Variants in CTNNBL1 observed in about 807,000 individuals in gnomAD.
CTNNBL1 encodes the protein catenin beta like 1.
Under a neutral mutation model 72.7 loss-of-function variants are expected in CTNNBL1, and 31 were observed. That is an observed-to-expected ratio of 0.43 (90% confidence interval 0.32 to 0.58). The LOEUF (loss-of-function observed/expected upper bound fraction) is 0.58, where lower values mean the gene tolerates loss of function less well. Ranked by LOEUF, CTNNBL1 falls within the 20% of genes least tolerant of loss-of-function variation. CTNNBL1 has a pLI of 0.08. For missense variants in CTNNBL1, 534 were observed against 725.1 expected (o/e 0.74, Z 3.03); for synonymous variants, 240 against 267.3 (o/e 0.90, Z 1.00).
chr20:37,727,069 C>T (rs149603612), intron 1 of CTNNBL1, among the ~76,000 whole-genome samples: 4 of 152,082 alleles, frequency 2.6e-5, no homozygotes, highest in African/African-American at 4.8e-5. Context: ...GTGATGTAGC[C>T]TCTTCCTATG....
intron 10 of CTNNBL1, 135 bp downstream of exon 10, chr20:37,779,470 A>G: frequency 1.1e-6 from 1 of 930,326 alleles, no homozygotes; most frequent in Non-Finnish European, 1.6e-6. Context: ...TAAAGTCTTC[A>G]GGCATGGGGG....
chr20:37,741,333 G>A (rs1329592739), intron 3 of CTNNBL1, among the ~76,000 whole-genome samples: 1 of 152,174 alleles, frequency 6.6e-6, no homozygotes, highest in Non-Finnish European at 1.5e-5. Context: ...AACAGAAGAC[G>A]ACTGTTATAA....
chr20:37,792,254 A>G (rs1242697044), intron 10 of CTNNBL1, among the ~76,000 whole-genome samples: 1 of 151,658 alleles, frequency 6.6e-6, no homozygotes, highest in Non-Finnish European at 1.5e-5. Context: ...TTTTGTTTTC[A>G]TTGTTTTTCT....
chr20:37,864,276 TG>T (rs1467865496), intron 15 of CTNNBL1, among the ~76,000 whole-genome samples: 1 of 151,230 alleles, frequency 6.6e-6, no homozygotes, highest in African/African-American at 2.4e-5. Flanking sequence ...CTGTCCTCTT[TG>T]ATTTTAATTT....
rs373840043 is a variant in CTNNBL1, at chr20:37,779,303, C to T, written c.999C>T (p.Gly333=). 2.9e-5 allele frequency: 46 copies of T among 1,613,560 alleles called. No homozygotes were observed. The highest frequency in any genetic ancestry group is 1.1e-4 in the South Asian group (10 of 91,044). The part of the protein sequence containing the change: ...LSSNRERFLK[G]EGLQLMNLML... ...CCAATCGTGAGCGCTTCCTGAAGGG[C>T]GAGGGTCTTCAGCTGATGAATCTCA... Residue 333 remains glycine, a synonymous_variant, in exon 10 of 16, where the codon GGC becomes GGT. Transcript: ENST00000361383.
At chr20:37,807,770 G>C (rs1252717152) in intron 11 of CTNNBL1, among the ~76,000 whole-genome samples, 5 of 152,172 alleles carry the variant, frequency 3.3e-5, no homozygotes, top group Non-Finnish European at 5.9e-5. Flanking sequence ...AAGCTTGTGG[G>C]ATGGGTTGGA....
chr20:37,807,181 C>T (rs1052897289), intron 11 of CTNNBL1, among the ~76,000 whole-genome samples: 1 of 152,098 alleles, frequency 6.6e-6, no homozygotes, highest in Non-Finnish European at 1.5e-5. Context: ...CTCCCTGGGC[C>T]GCACTTGTCC....
chr20:37,718,374 C>T (rs2122571843), intron 1 of CTNNBL1, among the ~76,000 whole-genome samples: 1 of 141,608 alleles, frequency 7.1e-6, no homozygotes, highest in East Asian at 2.1e-4. Context: ...GCAGAGGCAC[C>T]CCTCACCTCC....
At chr20:37,754,983 T>C (rs549612166) in intron 4 of CTNNBL1, among the ~76,000 whole-genome samples, 4 of 152,264 alleles carry the variant, frequency 2.6e-5, no homozygotes, top group Non-Finnish European at 4.4e-5. Flanking sequence ...GATTTTTGTA[T>C]TTTTAGTAGA....
chr20:37,696,435 CTTTTTTTTTTTT>C (rs57358123), intron 1 of CTNNBL1, among the ~76,000 whole-genome samples: 6 of 89,610 alleles, frequency 6.7e-5, no homozygotes, highest in African/African-American at 2.7e-4. Flanking sequence ...TGTACAATAT[CTTTTTTTTTTTT>C]TTTTTTTTTT....
In CTNNBL1 at chr20:37,872,004, G is replaced by A. The variant is rs2072589724; in HGVS notation, c.1683G>A (p.Glu561=). Residue 561 remains glutamate, a synonymous_variant, in exon 16 of 16, where the codon GAG becomes GAA. Transcript: ENST00000361383. Reference sequence around the variant, plus strand: ...AAAAGCGCATCCTGGGCTTGCTGGAGAACTTCTAGAGGCACCTTGGCCCTG... The same window carrying A: ...AAAAGCGCATCCTGGGCTTGCTGGAAAACTTCTAGAGGCACCTTGGCCCTG... ...NEQKRILGLL[E]NF is the part of the protein sequence containing the mutation. 3 of 1,613,924 alleles carry A rather than the reference G, an allele frequency of 1.9e-6. No homozygotes were observed. Among genetic ancestry groups the A allele is most frequent in the Non-Finnish European group, 2.5e-6 (3 of 1,179,934 alleles).
intron 11 of CTNNBL1, among the ~76,000 whole-genome samples, chr20:37,820,218 T>C (rs1190941712): frequency 1.3e-5 from 2 of 152,108 alleles, no homozygotes; most frequent in African/African-American, 4.8e-5. Flanking sequence ...TGATACTGGT[T>C]TCGGTCTCCT....
At chr20:37,709,541 G>A (rs957561744) in intron 1 of CTNNBL1, among the ~76,000 whole-genome samples, 2 of 152,142 alleles carry the variant, frequency 1.3e-5, no homozygotes, top group African/African-American at 2.4e-5. Context: ...TTTAGCAGAC[G>A]CTCTCAACAT....
chr20:37,854,687 C>G (rs2072424499), intron 13 of CTNNBL1, among the ~76,000 whole-genome samples: 1 of 151,666 alleles, frequency 6.6e-6, no homozygotes, highest in Non-Finnish European at 1.5e-5. Context: ...CTCCAAGGTT[C>G]AAGTGATTCT....
intron 1 of CTNNBL1, among the ~76,000 whole-genome samples, chr20:37,699,157 A>G (rs1600428060): frequency 6.6e-6 from 1 of 152,190 alleles, no homozygotes; most frequent in East Asian, 1.9e-4. Context: ...TAACAACCCT[A>G]TGAGGAAGGT....
chr20:37,819,473 C>T (rs558952297), intron 11 of CTNNBL1, among the ~76,000 whole-genome samples: 2 of 152,258 alleles, frequency 1.3e-5, no homozygotes, highest in South Asian at 2.1e-4. Context: ...ACTGTCATAC[C>T]TGTACCACTG....
intron 7 of CTNNBL1, among the ~76,000 whole-genome samples, chr20:37,775,549 GGT>G (rs2122684863): frequency 6.6e-6 from 1 of 152,268 alleles, no homozygotes; most frequent in Admixed American, 6.5e-5. Context: ...GTCAACCTTA[GGT>G]GTGTCTAATG....
chr20:37,746,770 G>A, intron 4 of CTNNBL1, 163 bp downstream of exon 4: 1 of 979,104 alleles, frequency 1.0e-6, no homozygotes, highest in East Asian at 2.6e-5. Context: ...TTACTCATTT[G>A]AAAACCTGGT....
intron 11 of CTNNBL1, among the ~76,000 whole-genome samples, chr20:37,836,205 G>A (rs911026422): frequency 6.6e-6 from 1 of 152,266 alleles, no homozygotes; most frequent in African/African-American, 2.4e-5. Context: ...ACATTGATAA[G>A]GAAATACAAA....
Sources: allele counts gnomAD v4.1 joint callset (sites outside exome capture counted in the v4.1 genomes callset), GRCh38; gene constraint gnomAD v4.1.1; transcripts MANE v1.5; gene names NCBI Gene and HGNC (gene_info 2026-07-23, HGNC 2026-07-21).